MYO1E: variants seen among roughly 807,000 people sequenced by gnomAD.
The protein encoded by MYO1E is myosin IE, also known as unconventional myosin-Ie.
A neutral mutation model predicts 151.1 loss-of-function variants in MYO1E; 68 were observed. That is an observed-to-expected ratio of 0.45 (90% CI 0.37 to 0.55). The LOEUF is 0.55. Ranked by LOEUF, MYO1E falls within the 20% of genes least tolerant of loss-of-function variation. The pLI is 0.00. For missense variants in MYO1E, 1,363 were observed against 1,389.3 expected (o/e 0.98, Z 0.30); for synonymous variants, 601 against 501.7 (o/e 1.20, Z -2.64).
At chr15:59,269,143 T>C (rs1234437490) in intron 2 of MYO1E, among the ~76,000 whole-genome samples, 1 of 152,198 alleles carries the variant, frequency 6.6e-6, no homozygotes, top group Non-Finnish European at 1.5e-5. Flanking sequence ...CAGTGGAATT[T>C]TTGGAAAATA....
intron 1 of MYO1E, among the ~76,000 whole-genome samples, chr15:59,322,383 C>G (rs972599518): frequency 6.6e-6 from 1 of 152,080 alleles, no homozygotes; most frequent in African/African-American, 2.4e-5. Context: ...GAAACTGTAT[C>G]TATACTTACA....
intron 23 of MYO1E, among the ~76,000 whole-genome samples, chr15:59,162,486 AT>A (rs2079543187): frequency 6.6e-6 from 1 of 152,016 alleles, no homozygotes; most frequent in South Asian, 2.1e-4. Context: ...TCTACTAAAA[AT>A]AAGAAAACAT....
At chr15:59,304,277 C>A (rs1322527334) in intron 1 of MYO1E, among the ~76,000 whole-genome samples, 5 of 152,160 alleles carry the variant, frequency 3.3e-5, no homozygotes, top group Non-Finnish European at 7.3e-5. Context: ...GCCACTGCGG[C>A]CCGCCTATTT....
rs1452818863 is a variant in MYO1E at position 59,268,718 on chromosome 15, G to GTTTTTTT, written c.147+3587_147+3588insAAAAAAA. ...TGGTGATGGGTTCTGGGTGACTTTG[G>GTTTTTTT]TATTTTTTTTTTTTTTTTTTTTTGC... On this transcript the variant is annotated intron_variant, in intron 2 of 27. Coordinates refer to ENST00000288235, the MANE Select transcript of MYO1E (RefSeq NM_004998.4). Among the ~76,000 whole-genome samples the GTTTTTTT allele has an allele frequency of 5.2e-3, 62 of 12,030 alleles. 2 individuals are homozygous for GTTTTTTT. The highest frequency in any genetic ancestry group is 0.01 in the Non-Finnish European group (25 of 2,444). The allele number at this position is 12,030 out of a possible 152,430, so 7.9% of individuals were successfully genotyped here. A position where few individuals can be genotyped will look rare whatever the true frequency, so the allele number is the denominator to read the frequency against.
chr15:59,160,194 C>T (rs1170148720), intron 24 of MYO1E, among the ~76,000 whole-genome samples: 1 of 151,964 alleles, frequency 6.6e-6, no homozygotes, highest in African/African-American at 2.4e-5. Flanking sequence ...CAGGCTAAAT[C>T]TTAGAACAAT....
chr15:59,372,167 G>A (rs1386208917), intron 1 of MYO1E, among the ~76,000 whole-genome samples: 2 of 151,676 alleles, frequency 1.3e-5, no homozygotes, highest in African/African-American at 4.8e-5. Context: ...GTCCCAGCAG[G>A]AGGAGGGGAC....
At chr15:59,160,085 C>G (rs148158202) in intron 24 of MYO1E, among the ~76,000 whole-genome samples, 2 of 152,282 alleles carry the variant, frequency 1.3e-5, no homozygotes, top group Non-Finnish European at 2.9e-5. Flanking sequence ...GTCCGCCTGC[C>G]TCGGCCTCCC....
chr15:59,208,765 G>A lies in MYO1E; in HGVS notation c.1446C>T (p.Leu482=). Residue 482 remains leucine (L), a synonymous_variant, in exon 14 of 28, where the codon CTC becomes CTT. Transcript: ENST00000288235. ...TCCCAATCTGCATCTGAAGTTTCTG[G>A]AGCAGCGTCTGATCTGCCCCCTCAC... ...AVGEGADQTL[L]QKLQMQIGSH... 1 of 1,614,164 alleles carries A rather than the reference G, an allele frequency of 6.2e-7. No individual in the cohort carries two copies. Among genetic ancestry groups the A allele is most frequent in the East Asian group, 2.2e-5 (1 of 44,886 alleles).
At chr15:59,245,834 C>A (rs1238278055) in intron 4 of MYO1E, among the ~76,000 whole-genome samples, 1 of 152,212 alleles carries the variant, frequency 6.6e-6, no homozygotes, top group African/African-American at 2.4e-5. Context: ...GCCACATTGT[C>A]AAGATCTTGT....
At chr15:59,352,876 T>C (rs7162228) in intron 1 of MYO1E, among the ~76,000 whole-genome samples, 20,248 of 152,164 alleles carry the variant, frequency 0.13, 1,522 homozygotes, top group East Asian at 0.29. Context: ...AAACTCTTTA[T>C]CACCATGTAA....
At position 59,207,529 on chromosome 15, in the gene MYO1E, T is replaced by C; in HGVS notation, c.1530+1152A>G. Reference sequence around the variant, plus strand: ...AGTGGATATCTTAACTTATGTAGCTTGGAAGTTGAGTGCATTTCCCAAAAA... The same window carrying C: ...AGTGGATATCTTAACTTATGTAGCTCGGAAGTTGAGTGCATTTCCCAAAAA... On this transcript the variant is annotated intron_variant, in intron 14 of 27. Transcript: ENST00000288235. The C allele has an allele frequency of 3.1e-6, 5 of 1,614,076 alleles. No homozygotes were observed. In the South Asian group the frequency reaches 5.5e-5, roughly 18 times the overall value.
intron 1 of MYO1E, among the ~76,000 whole-genome samples, chr15:59,363,324 C>A (rs1373616394): frequency 1.3e-5 from 2 of 152,168 alleles, no homozygotes; most frequent in Non-Finnish European, 2.9e-5. Flanking sequence ...ATGACATCTT[C>A]TAGTCTCTAT....
intron 26 of MYO1E, among the ~76,000 whole-genome samples, chr15:59,145,321 C>A (rs1327844437): frequency 6.6e-6 from 1 of 152,174 alleles, no homozygotes; most frequent in Non-Finnish European, 1.5e-5. Context: ...GTCCAGCTTG[C>A]GAGAGCTGAT....
intron 1 of MYO1E, among the ~76,000 whole-genome samples, chr15:59,307,248 C>T (rs1319077342): frequency 6.6e-6 from 1 of 152,182 alleles, no homozygotes; most frequent in Non-Finnish European, 1.5e-5. Context: ...TGGAACTCTC[C>T]GGGCATCTCC....
chr15:59,208,415 A>G, intron 14 of MYO1E: 1 of 577,350 alleles, frequency 1.7e-6, no homozygotes, highest in Non-Finnish European at 3.1e-6. Context: ...GATATATGCT[A>G]TTTCTTTCAT....
chr15:59,138,941 C>T (rs1482292369), intron 26 of MYO1E, among the ~76,000 whole-genome samples: 3 of 152,096 alleles, frequency 2.0e-5, no homozygotes, highest in African/African-American at 7.2e-5. Context: ...GGATGACGTG[C>T]CCTGCTGATG....
chr15:59,208,225 C>T, intron 14 of MYO1E: 1 of 768,328 alleles, frequency 1.3e-6, no homozygotes. Context: ...TTATTTAGTC[C>T]TCCAGCTCTT....
At chr15:59,243,291 T>G (rs2080110973) in intron 4 of MYO1E, among the ~76,000 whole-genome samples, 1 of 152,168 alleles carries the variant, frequency 6.6e-6, no homozygotes, top group Admixed American at 6.5e-5. Context: ...ATAACATCAA[T>G]TCCAAAGGAG....
intron 1 of MYO1E, among the ~76,000 whole-genome samples, chr15:59,279,259 T>TTA (rs2080339335): frequency 6.6e-6 from 1 of 152,156 alleles, no homozygotes; most frequent in African/African-American, 2.4e-5. Flanking sequence ...CAGTGATCTC[T>TTA]TAGTCAGTGG....
Sources: allele counts gnomAD v4.1 joint callset (sites outside exome capture counted in the v4.1 genomes callset), GRCh38; gene constraint gnomAD v4.1.1; transcripts MANE v1.5; gene names NCBI Gene and HGNC (gene_info 2026-07-23, HGNC 2026-07-21).